Variants in SINHCAF observed in about 807,000 individuals in gnomAD.
SINHCAF encodes the protein SIN3-HDAC complex associated factor.
Under a neutral mutation model 25.8 loss-of-function variants are expected in SINHCAF, and 3 were observed. The observed-to-expected ratio is 0.12, with a 90% CI of 0.05 to 0.30. SINHCAF has a LOEUF of 0.30. Among genes scored for constraint, SINHCAF ranks in the 10% least tolerant of loss-of-function variants. The pLI, the probability that SINHCAF is intolerant of heterozygous loss-of-function variation, is 1.00. For synonymous variants in SINHCAF, 70 were observed against 85.5 expected, an observed-to-expected ratio of 0.82 and a Z score of 1.00; for missense variants, 121 against 262.3, an observed-to-expected ratio of 0.46 and a Z score of 3.72.
intron 2 of SINHCAF, among the ~76,000 whole-genome samples, chr12:31,296,459 C>T (rs906333310): frequency 2.6e-4 from 39 of 152,140 alleles, no homozygotes; most frequent in African/African-American, 8.9e-4. Context: ...AGCCACCACA[C>T]CCGGCCTGTG....
intron 5 of SINHCAF, 76 bp from the exon 6 acceptor site, chr12:31,282,947 T>C: frequency 2.7e-6 from 3 of 1,122,730 alleles, no homozygotes; most frequent in Non-Finnish European, 2.5e-6. Flanking sequence ...TACTCACTAT[T>C]ATAACTAGTC....
intron 1 of SINHCAF, among the ~76,000 whole-genome samples, chr12:31,320,290 A>G (rs893568699): frequency 6.6e-6 from 1 of 152,232 alleles, no homozygotes; most frequent in African/African-American, 2.4e-5. Flanking sequence ...ACAAACTTTA[A>G]TAACTAGCCA....
At chr12:31,300,436 TA>T (rs917864961) in intron 1 of SINHCAF, among the ~76,000 whole-genome samples, 8 of 151,934 alleles carry the variant, frequency 5.3e-5, no homozygotes, top group South Asian at 2.1e-4. Flanking sequence ...AGAACTGTTT[TA>T]AAAAAAACAT....
chr12:31,303,195 G>A, intron 1 of SINHCAF: 1 of 985,420 alleles, frequency 1.0e-6, no homozygotes, highest in Non-Finnish European at 1.2e-6. Flanking sequence ...CAAATATTTA[G>A]AAGAGGCTGT....
At chr12:31,309,664 A>ATTTT (rs869251301) in intron 1 of SINHCAF, among the ~76,000 whole-genome samples, 4 of 128,746 alleles carry the variant, frequency 3.1e-5, no homozygotes, top group African/African-American at 1.2e-4. Flanking sequence ...TCAACTTGTG[A>ATTTT]TTTTTTTTTT....
At chr12:31,291,717 T>C (rs914337149) in intron 4 of SINHCAF, among the ~76,000 whole-genome samples, 5 of 151,372 alleles carry the variant, frequency 3.3e-5, no homozygotes, top group Non-Finnish European at 5.9e-5. Flanking sequence ...TGAGCTGAGA[T>C]CCGTGCCACT....
chr12:31,308,407 AT>A (rs1939122462), intron 1 of SINHCAF, among the ~76,000 whole-genome samples: 1 of 152,124 alleles, frequency 6.6e-6, no homozygotes, highest in Non-Finnish European at 1.5e-5. Flanking sequence ...CCTCTAAGCT[AT>A]TTTTTAGTAG....
chr12:31,321,705 T>C (rs1253988071), intron 1 of SINHCAF, among the ~76,000 whole-genome samples: 3 of 152,166 alleles, frequency 2.0e-5, no homozygotes, highest in Non-Finnish European at 4.4e-5. Flanking sequence ...CCTCAATACA[T>C]GTGTTCCTTT....
chr12:31,297,198 G>A (rs573866332), intron 2 of SINHCAF, among the ~76,000 whole-genome samples: 1 of 152,118 alleles, frequency 6.6e-6, no homozygotes, highest in Non-Finnish European at 1.5e-5. Flanking sequence ...AACCATGCAT[G>A]CCTTTTTAAA....
chr12:31,294,443 A>G (rs1480221396), intron 3 of SINHCAF, among the ~76,000 whole-genome samples: 1 of 152,156 alleles, frequency 6.6e-6, no homozygotes, highest in African/African-American at 2.4e-5. Flanking sequence ...GAAGATTGGA[A>G]TCAAGGTCTT....
chr12:31,312,156 C>CCTGTTT, intron 1 of SINHCAF: 1 of 399,160 alleles, frequency 2.5e-6, no homozygotes, highest in Non-Finnish European at 4.8e-6. Context: ...TTAATTGGAA[C>CCTGTTT]TATACAGAAT....
intron 4 of SINHCAF, 140 bp from the exon 5 acceptor site, chr12:31,287,924 T>C: frequency 1.9e-6 from 1 of 527,270 alleles, no homozygotes; most frequent in Non-Finnish European, 3.2e-6. Context: ...GCACTACTGA[T>C]ATTTGAAGAT....
chr12:31,305,596 C>T (rs1938989064), intron 1 of SINHCAF, among the ~76,000 whole-genome samples: 1 of 152,058 alleles, frequency 6.6e-6, no homozygotes, highest in African/African-American at 2.4e-5. Flanking sequence ...TCTACCAATC[C>T]GGGGACTTAG....
chr12:31,298,094 G>A lies in SINHCAF; in HGVS notation c.111C>T (p.Asp37=). ...GATCTTACCCAAAACAGCTCTGGAA[G>A]TCCTTTTCATAGCGTTTACTGTCAG... is the stretch of plus-strand genomic sequence containing the variant. ...RFTDSKRYEK[D]FQSCFGLHET... The change falls in exon 2 of 6, where the codon GAC becomes GAT. Residue 37 remains aspartate, a synonymous_variant. Coordinates refer to ENST00000337682, the MANE Select transcript of SINHCAF (RefSeq NM_001135812.2). 2 of 1,613,974 alleles carry A rather than the reference G, an allele frequency of 1.2e-6. No individual in the cohort carries two copies. The highest frequency in any genetic ancestry group is 1.7e-6 in the Non-Finnish European group (2 of 1,179,904).
At chr12:31,303,099 A>T (rs1938873917) in intron 1 of SINHCAF, 35 of 985,340 alleles carry the variant, frequency 3.6e-5, no homozygotes, top group Middle Eastern at 1.0e-3. Context: ...GAGGGGTTAC[A>T]GTTAAAACAT....
intron 1 of SINHCAF, among the ~76,000 whole-genome samples, chr12:31,306,639 T>C (rs1742088515): frequency 6.6e-6 from 1 of 152,216 alleles, no homozygotes. Flanking sequence ...CACTCTTAGC[T>C]ACTGCATCAG....
intron 1 of SINHCAF, chr12:31,303,201 G>A: frequency 1.0e-6 from 1 of 985,392 alleles, no homozygotes; most frequent in Non-Finnish European, 1.2e-6. Flanking sequence ...TTTAGAAGAG[G>A]CTGTGTCAAC....
rs1379712324 is a variant in SINHCAF at position 31,325,568 on chromosome 12, C to T, written c.-21+456G>A. 2.1e-5 allele frequency: 4 copies of T among 194,584 alleles called. No individual in the cohort carries two copies. In the Admixed American group the frequency reaches 2.3e-4, roughly 11 times the overall value. 12.1% of individuals were successfully genotyped at this position (194,584 alleles called of 1,614,324 possible). ...TTTCACAACGGCGCCCGACCCTGCC[C>T]GCGCCTCGCGCCCACGCGGACGCAC... On this transcript the variant is annotated intron_variant, in intron 1 of 5. Transcript: ENST00000337682. This position sits in a 1 kb window ranked among gnomAD's most constrained non-coding sequence, Gnocchi z 5.9.
intron 4 of SINHCAF, among the ~76,000 whole-genome samples, chr12:31,290,121 G>A (rs988640649): frequency 6.6e-6 from 1 of 151,364 alleles, no homozygotes; most frequent in East Asian, 1.9e-4. Flanking sequence ...GTCACACCTA[G>A]CCAAGAAAAT....
Sources: gnomAD v4.1 joint callset for allele counts (sites outside exome capture counted in the v4.1 genomes callset) on GRCh38, gnomAD v4.1.1 for gene constraint, Gnocchi (gnomAD v3.1) non-coding constraint, MANE v1.5 for transcripts, NCBI Gene and HGNC (gene_info 2026-07-23, HGNC 2026-07-21) for gene names.